The following DNAH8 variants were observed in gnomAD, a reference collection of about 807,000 sequenced individuals.
DNAH8 encodes the protein axonemal beta dynein heavy chain 8.
Under a neutral mutation model 562.1 loss-of-function variants are expected in DNAH8, and 382 were observed. The ratio of observed to expected loss-of-function variants is 0.68; its 90% CI spans 0.63 to 0.74. DNAH8 has a LOEUF of 0.74. DNAH8 is among the 30% of genes least tolerant of loss of function. DNAH8 has a pLI of 0.00. For synonymous variants in DNAH8, 1,881 were observed against 1,919.4 expected (o/e 0.98, Z 0.52); for missense variants, 5,203 against 5,620.4 (o/e 0.93, Z 2.37).
At chr6:38,751,229 G>A (rs909234359) in intron 9 of DNAH8, among the ~76,000 whole-genome samples, 2 of 152,192 alleles carry the variant, frequency 1.3e-5, no homozygotes, top group African/African-American at 4.8e-5. Flanking sequence ...CCCTTGCCAC[G>A]TGGGCCTCTC....
intron 86 of DNAH8, among the ~76,000 whole-genome samples, chr6:38,983,658 A>G (rs1764181025): frequency 6.6e-6 from 1 of 152,262 alleles, no homozygotes; most frequent in South Asian, 2.1e-4. Context: ...ATATATTGCT[A>G]GTATAAAATT....
intron 37 of DNAH8, 87 bp downstream of exon 37, chr6:38,848,888 G>T (rs2150383673): frequency 7.5e-7 from 1 of 1,334,802 alleles, no homozygotes; most frequent in Non-Finnish European, 1.1e-6. Flanking sequence ...AAGACATATG[G>T]TCAAGGCTTG....
chr6:38,765,366 C>CA (rs1420477893), intron 11 of DNAH8, among the ~76,000 whole-genome samples: 8 of 151,990 alleles, frequency 5.3e-5, no homozygotes, highest in Non-Finnish European at 7.4e-5. Flanking sequence ...GGGTCACGTC[C>CA]AAAAAATCAT....
chr6:38,820,644 A>T (rs1190536566), intron 26 of DNAH8, among the ~76,000 whole-genome samples: 2 of 152,220 alleles, frequency 1.3e-5, no homozygotes. Flanking sequence ...TAGCAAACTG[A>T]ATCCAGCAGT....
At position 39,012,644 on chromosome 6, in the gene DNAH8, G is replaced by T. The variant is rs1766296565; in HGVS notation, c.13714+7G>T. On this transcript the variant is annotated splice_region_variant and intron_variant, in intron 91 of 92. Coordinates refer to ENST00000327475, the MANE Select transcript of DNAH8 (RefSeq NM_001206927.2). The stretch of plus-strand genomic sequence containing the variant: ...GGTTTCTTTAATCCCCAAGGTATGT[G>T]CTCATAGGAGATTTGGCAAGCTTGG... The T allele has an allele frequency of 6.2e-7, 1 of 1,607,800 alleles. No individual in the cohort carries two copies. The highest frequency in any genetic ancestry group is 1.1e-5 in the South Asian group (1 of 90,952).
intron 9 of DNAH8, among the ~76,000 whole-genome samples, chr6:38,751,870 C>T (rs978653256): frequency 7.9e-5 from 12 of 152,154 alleles, no homozygotes; most frequent in Admixed American, 5.9e-4. Context: ...CATTTGTAGG[C>T]AGGAGGGCTG....
At chr6:38,752,792 A>G (rs1466589490) in intron 9 of DNAH8, among the ~76,000 whole-genome samples, 1 of 152,240 alleles carries the variant, frequency 6.6e-6, no homozygotes, top group Non-Finnish European at 1.5e-5. Context: ...TACTGCCATG[A>G]GGAATCCATT....
chr6:38,949,688 G>A (rs1039126804), intron 81 of DNAH8, 118 bp downstream of exon 81: 6 of 655,072 alleles, frequency 9.2e-6, no homozygotes, highest in African/African-American at 3.7e-5. Flanking sequence ...GGCAAAAACC[G>A]CAATTACTTT....
intron 80 of DNAH8, among the ~76,000 whole-genome samples, chr6:38,946,099 G>A (rs1761396354): frequency 6.6e-6 from 1 of 151,838 alleles, no homozygotes; most frequent in South Asian, 2.1e-4. Context: ...TAATTGTTGA[G>A]TCAATTGTTA....
chr6:38,860,292 T>C (rs562510317), intron 42 of DNAH8, among the ~76,000 whole-genome samples, 165 bp from the exon 43 acceptor site: 4 of 152,334 alleles, frequency 2.6e-5, no homozygotes, highest in Non-Finnish European at 4.4e-5. Context: ...GAACCATCTC[T>C]GTCTTTGTTT....
intron 70 of DNAH8, among the ~76,000 whole-genome samples, chr6:38,920,975 C>T (rs945895958): frequency 3.3e-5 from 5 of 152,138 alleles, no homozygotes; most frequent in Non-Finnish European, 5.9e-5. Flanking sequence ...ACTGCAGCCT[C>T]GACCTCCGGG....
At chr6:38,874,058 CTT>C (rs1351715312) in intron 52 of DNAH8, among the ~76,000 whole-genome samples, 2 of 40,176 alleles carry the variant, frequency 5.0e-5, no homozygotes, top group South Asian at 1.2e-3. Context: ...TTCTTTCTTT[CTT>C]TCTTTCTTTT....
rs1766268632 is a variant in DNAH8 at position 39,012,334 on chromosome 6, A to G, written c.13491A>G (p.Lys4497=). The G allele has an allele frequency of 6.2e-7, 1 of 1,613,252 alleles. No individual in the cohort carries two copies. Among genetic ancestry groups the G allele is most frequent in the South Asian group, 1.1e-5 (1 of 90,988 alleles). ...SILRSSLSDL[K]LAIEGTIIMS... is the part of the protein sequence containing the mutation. ...TCCGCAGTAGCCTGAGTGATCTAAAATTGGCCATTGAAGGAACAATCATTA... is the reference window on the plus strand; with the variant it reads ...TCCGCAGTAGCCTGAGTGATCTAAAGTTGGCCATTGAAGGAACAATCATTA... Residue 4497 remains lysine, a synonymous_variant, in exon 90 of 93, where the codon AAA becomes AAG. Transcript: ENST00000327475.
intron 1 of DNAH8, among the ~76,000 whole-genome samples, chr6:38,719,830 A>T (rs1762608993): frequency 6.6e-6 from 1 of 152,168 alleles, no homozygotes; most frequent in Non-Finnish European, 1.5e-5. Flanking sequence ...GCAGCCCTAA[A>T]ACCCTACCAA....
intron 9 of DNAH8, among the ~76,000 whole-genome samples, chr6:38,755,751 T>C (rs945186152): frequency 1.3e-5 from 2 of 152,192 alleles, no homozygotes; most frequent in Non-Finnish European, 2.9e-5. Flanking sequence ...CAGTTTCTCC[T>C]GTTAACATCC....
At chr6:38,755,911 A>T (rs1206481295) in intron 9 of DNAH8, 61 bp from the exon 10 acceptor site, 1 of 952,024 alleles carries the variant, frequency 1.1e-6, no homozygotes, top group African/African-American at 1.6e-5. Context: ...AGTATTATAG[A>T]ATATTGGTTA....
intron 82 of DNAH8, among the ~76,000 whole-genome samples, chr6:38,955,397 G>C (rs922692935): frequency 6.6e-6 from 1 of 152,086 alleles, no homozygotes; most frequent in African/African-American, 2.4e-5. Flanking sequence ...TTGGGAGGCC[G>C]AGGTGGGTGG....
chr6:38,907,506 C>G (rs752886273), intron 63 of DNAH8, among the ~76,000 whole-genome samples: 1 of 152,172 alleles, frequency 6.6e-6, no homozygotes, highest in Non-Finnish European at 1.5e-5. Flanking sequence ...GCCAAGTTCC[C>G]TGATAACAGA....
chr6:38,830,292 C>A (rs1257785320), intron 30 of DNAH8, among the ~76,000 whole-genome samples: 1 of 151,988 alleles, frequency 6.6e-6, no homozygotes, highest in Admixed American at 6.6e-5. Context: ...TTTCTCTAAG[C>A]ATTTTTGAAG....
Sources: gnomAD v4.1 joint callset for allele counts (sites outside exome capture counted in the v4.1 genomes callset) on GRCh38, gnomAD v4.1.1 for gene constraint, MANE v1.5 for transcripts, NCBI Gene and HGNC (gene_info 2026-07-23, HGNC 2026-07-21) for gene names.